DRC11: variants seen among roughly 807,000 people sequenced by gnomAD.
DRC11 encodes IQ and AAA domain-containing protein 1.
At chr2:236,451,933 T>C in the DRC11 span, among the ~76,000 whole-genome samples, 3 of 152,212 alleles carry the variant, frequency 2.0e-5, no homozygotes, top group Non-Finnish European at 4.4e-5. Flanking sequence ...AAAATAAGTA[T>C]GTATGCCTAG....
the DRC11 span, among the ~76,000 whole-genome samples, chr2:236,385,083 G>A: frequency 6.6e-6 from 1 of 151,914 alleles, no homozygotes; most frequent in Non-Finnish European, 1.5e-5. Flanking sequence ...ATAGTTTGAA[G>A]TCAGGTAGTG....
chr2:236,399,624 CG>C, the DRC11 span: 18 of 705,718 alleles, frequency 2.6e-5, no homozygotes, highest in Admixed American at 3.9e-4. The surrounding 1 kb of genome is among the most constrained non-coding windows in gnomAD (Gnocchi z 7.0). Context: ...CCCTCTGGCC[CG>C]TCTAAGTATG....
At chr2:236,500,244 T>C in the DRC11 span, among the ~76,000 whole-genome samples, 2 of 152,168 alleles carry the variant, frequency 1.3e-5, no homozygotes, top group East Asian at 1.9e-4. This position sits in a 1 kb window ranked among gnomAD's most constrained non-coding sequence, Gnocchi z 6.3. Flanking sequence ...AGTTTATATA[T>C]GAGAAAACTG....
chr2:236,411,373 A>G, the DRC11 span, among the ~76,000 whole-genome samples: 1,119 of 150,266 alleles, frequency 7.4e-3, 42 homozygotes, highest in East Asian at 0.12. Flanking sequence ...TTAGAATGGC[A>G]ATCATTAAAA....
the DRC11 span, among the ~76,000 whole-genome samples, chr2:236,395,385 A>G: frequency 6.6e-6 from 1 of 152,218 alleles, no homozygotes; most frequent in Non-Finnish European, 1.5e-5. Flanking sequence ...AGGTATAGAA[A>G]ACAAGCATTG....
At chr2:236,329,511 G>A in the DRC11 span, among the ~76,000 whole-genome samples, 22 of 152,182 alleles carry the variant, frequency 1.4e-4, no homozygotes, top group African/African-American at 4.8e-4. Flanking sequence ...AGGGTAGAAC[G>A]TGTTTGGAGA....
chr2:236,375,157 A>G, the DRC11 span, among the ~76,000 whole-genome samples: 2 of 152,072 alleles, frequency 1.3e-5, no homozygotes, highest in African/African-American at 4.8e-5. This position sits in a 1 kb window ranked among gnomAD's most constrained non-coding sequence, Gnocchi z 4.2. Flanking sequence ...ATAATTCTAC[A>G]TGAGGTTTGG....
At chr2:236,500,002 G>A in the DRC11 span, among the ~76,000 whole-genome samples, 120 of 152,242 alleles carry the variant, frequency 7.9e-4, no homozygotes, top group Middle Eastern at 6.8e-3. This position sits in a 1 kb window ranked among gnomAD's most constrained non-coding sequence, Gnocchi z 6.3. Flanking sequence ...ATTTATTGAA[G>A]CACTGATTAA....
At chr2:236,425,652 AC>A in the DRC11 span, among the ~76,000 whole-genome samples, 1 of 151,796 alleles carries the variant, frequency 6.6e-6, no homozygotes, top group Admixed American at 6.6e-5. Flanking sequence ...AATCCCATTT[AC>A]CTGTTTTTAC....
chr2:236,399,550 G>C, the DRC11 span: 1 of 1,360,904 alleles, frequency 7.3e-7, no homozygotes, highest in South Asian at 1.2e-5. This position sits in a 1 kb window ranked among gnomAD's most constrained non-coding sequence, Gnocchi z 7.0. Context: ...AGACGCAGAC[G>C]CTGTGATAAC....
the DRC11 span, chr2:236,338,106 T>C: frequency 2.4e-5 from 29 of 1,208,052 alleles, no homozygotes; most frequent in South Asian, 4.0e-4. Context: ...CCTCAACTCA[T>C]CTGGCGCCCA....
the DRC11 span, among the ~76,000 whole-genome samples, chr2:236,410,264 T>C: frequency 6.6e-6 from 1 of 151,850 alleles, no homozygotes; most frequent in Non-Finnish European, 1.5e-5. Flanking sequence ...TGGTAAGCTA[T>C]TGATTATTGC....
chr2:236,389,310 C>T, the DRC11 span, among the ~76,000 whole-genome samples: 94 of 152,212 alleles, frequency 6.2e-4, 1 homozygote, highest in Non-Finnish European at 1.1e-3. Flanking sequence ...TAGCAACCAG[C>T]GAGACTCCAT....
the DRC11 span, among the ~76,000 whole-genome samples, chr2:236,369,590 A>G: frequency 6.6e-6 from 1 of 152,248 alleles, no homozygotes; most frequent in African/African-American, 2.4e-5. This position sits in a 1 kb window ranked among gnomAD's most constrained non-coding sequence, Gnocchi z 4.5. Context: ...ATCTAAACCC[A>G]TATTAATCTC....
the DRC11 span, among the ~76,000 whole-genome samples, chr2:236,423,180 C>T: frequency 6.6e-6 from 1 of 151,690 alleles, no homozygotes; most frequent in Non-Finnish European, 1.5e-5. Context: ...GCAATGGCAA[C>T]CAAAGCCAAA....
chr2:236,310,643 G>C, the DRC11 span, among the ~76,000 whole-genome samples: 1 of 152,218 alleles, frequency 6.6e-6, no homozygotes, highest in Non-Finnish European at 1.5e-5. The surrounding 1 kb of genome is among the most constrained non-coding windows in gnomAD (Gnocchi z 5.5). Context: ...AGGCACCACT[G>C]TCGAAGGGCT....
chr2:236,412,432 G>A, the DRC11 span, among the ~76,000 whole-genome samples: 1 of 152,126 alleles, frequency 6.6e-6, no homozygotes, highest in Admixed American at 6.6e-5. Context: ...CCTCATCCGT[G>A]CCCCACCTTC....
chr2:236,445,053 G>A, the DRC11 span, among the ~76,000 whole-genome samples: 1 of 152,304 alleles, frequency 6.6e-6, no homozygotes, highest in African/African-American at 2.4e-5. This position sits in a 1 kb window ranked among gnomAD's most constrained non-coding sequence, Gnocchi z 4.8. Flanking sequence ...TACATTAGGA[G>A]TCAAAATGAC....
At chr2:236,357,117 A>G in the DRC11 span, among the ~76,000 whole-genome samples, 3 of 97,898 alleles carry the variant, frequency 3.1e-5, no homozygotes, top group East Asian at 6.5e-4. Context: ...ATATATCTAT[A>G]TATTATATAT....
Sources: gnomAD v4.1 joint callset for allele counts (sites outside exome capture counted in the v4.1 genomes callset) on GRCh38, gnomAD v4.1.1 for gene constraint, Gnocchi (gnomAD v3.1) non-coding constraint, MANE v1.5 for transcripts, NCBI Gene and HGNC (gene_info 2026-07-23, HGNC 2026-07-21) for gene names.